Variants in LARGE1 observed in about 807,000 individuals in gnomAD.
The protein encoded by LARGE1 is LARGE xylosyl- and glucuronyltransferase 1.
LARGE1 carries 43 observed loss-of-function variants against 87.6 expected under a neutral mutation model. The observed-to-expected ratio is 0.49, with a 90% CI of 0.38 to 0.63. The LOEUF is 0.63. Among genes scored for constraint, LARGE1 ranks in the 30% least tolerant of loss-of-function variants. LARGE1 has a pLI of 0.00. For missense variants in LARGE1, 802 were observed against 1,000.2 expected (o/e 0.80, Z 2.67); for synonymous variants, 434 against 394.6 (o/e 1.10, Z -1.18).
At chr22:33,917,055 G>A (rs1275526690) in intron 1 of LARGE1, among the ~76,000 whole-genome samples, 1 of 152,178 alleles carries the variant, frequency 6.6e-6, no homozygotes, top group Non-Finnish European at 1.5e-5. Context: ...GGTCACAAAT[G>A]CCGTCTACCA....
At chr22:33,419,519 G>A (rs962892150) in intron 7 of LARGE1, among the ~76,000 whole-genome samples, 3 of 152,030 alleles carry the variant, frequency 2.0e-5, no homozygotes, top group South Asian at 2.1e-4. Flanking sequence ...CATGGCTGCC[G>A]CCTTTCCATC....
chr22:33,382,168 C>G (rs2065181770), intron 8 of LARGE1, 124 bp from the exon 9 acceptor site: 1 of 1,224,386 alleles, frequency 8.2e-7, no homozygotes, highest in Non-Finnish European at 1.1e-6. Flanking sequence ...TGAACACAGG[C>G]TGGCTCGCAC....
Position 33,761,374 on chromosome 22 carries a change from C to T in LARGE1, c.103G>A (p.Glu35Lys), listed in dbSNP as rs1385993432. The T allele has an allele frequency of 6.8e-6, 11 of 1,612,594 alleles. No homozygotes were observed. The highest frequency in any genetic ancestry group is 2.2e-5 in the East Asian group (1 of 44,852). The part of the protein sequence containing the change: ...TWIYLFSGSF[E>K]DGKPVSLSPL... Reference sequence around the variant, plus strand: ...TCACTTTGGCTTCCATTCTTACCTTCGAAGCTCCCAGAAAACAGGTAAATC... The same window carrying T: ...TCACTTTGGCTTCCATTCTTACCTTTGAAGCTCCCAGAAAACAGGTAAATC... The change falls in exon 2 of 15, where the codon GAA (glutamate) becomes AAA (lysine). Residue 35 changes from glutamate (E) to lysine (K), a missense_variant. Around this residue, in one of 2 missense-constraint regions of LARGE1, gnomAD observed 177 missense variants for 158.3 expected, o/e 1.12. Coordinates refer to ENST00000397394, the MANE Select transcript of LARGE1 (RefSeq NM_133642.5).
the LARGE1 span, among the ~76,000 whole-genome samples, chr22:33,141,899 T>A: frequency 7.0e-3 from 1,070 of 152,366 alleles, 8 homozygotes; most frequent in African/African-American, 0.024. Context: ...TTTCTTTACA[T>A]ATTCTACATT....
intron 6 of LARGE1, among the ~76,000 whole-genome samples, chr22:33,497,541 G>C (rs1310670237): frequency 2.0e-5 from 3 of 152,148 alleles, no homozygotes; most frequent in African/African-American, 7.2e-5. Context: ...AAAGAGTCTT[G>C]TGCTTCAGTA....
chr22:33,576,769 A>G (rs1226592407), intron 5 of LARGE1, among the ~76,000 whole-genome samples: 1 of 152,224 alleles, frequency 6.6e-6, no homozygotes, highest in African/African-American at 2.4e-5. Context: ...CATATAACAT[A>G]GGTATATCCT....
chr22:33,781,769 A>T (rs1187670837), intron 1 of LARGE1, among the ~76,000 whole-genome samples: 2 of 152,226 alleles, frequency 1.3e-5, no homozygotes, highest in Non-Finnish European at 2.9e-5. Flanking sequence ...TAGTCCATAA[A>T]TTCCACTGCT....
chr22:33,542,700 C>A (rs141391296), intron 6 of LARGE1, among the ~76,000 whole-genome samples: 1 of 151,252 alleles, frequency 6.6e-6, no homozygotes, highest in Non-Finnish European at 1.5e-5. Context: ...TGGCTTTGCC[C>A]CTGACAGTGT....
At chr22:33,616,496 C>T (rs1261282196) in intron 4 of LARGE1, among the ~76,000 whole-genome samples, 2 of 151,694 alleles carry the variant, frequency 1.3e-5, no homozygotes, top group Non-Finnish European at 2.9e-5. Context: ...CACACCATTG[C>T]ACTCCAGCCT....
the LARGE1 span, among the ~76,000 whole-genome samples, chr22:33,089,459 TCTTCC>T: frequency 1.8e-5 from 2 of 109,366 alleles, no homozygotes; most frequent in Admixed American, 1.9e-4. Context: ...TTCTTCCTCC[TCTTCC>T]TCTTCTTCTT....
chr22:33,324,297 C>G (rs1219652454), intron 10 of LARGE1, among the ~76,000 whole-genome samples: 1 of 49,452 alleles, frequency 2.0e-5, no homozygotes, highest in Non-Finnish European at 4.4e-5. Flanking sequence ...AACAAACAAC[C>G]CCCCCCCCAA....
intron 4 of LARGE1, among the ~76,000 whole-genome samples, chr22:33,623,163 G>A (rs1337940046): frequency 6.7e-6 from 1 of 150,280 alleles, no homozygotes; most frequent in Non-Finnish European, 1.5e-5. Flanking sequence ...TTAAACCAGG[G>A]AGAGACCTGA....
intron 1 of LARGE1, among the ~76,000 whole-genome samples, chr22:33,780,264 C>A (rs2085376804): frequency 3.3e-5 from 5 of 152,240 alleles, no homozygotes; most frequent in Admixed American, 2.6e-4. Context: ...AGGTCACATT[C>A]TGAGGCACTG....
At chr22:33,547,860 A>AG (rs2077407321) in intron 6 of LARGE1, among the ~76,000 whole-genome samples, 1 of 149,988 alleles carries the variant, frequency 6.7e-6, no homozygotes, top group African/African-American at 2.5e-5. Context: ...ATTAATAATA[A>AG]GGGGAACAGG....
At chr22:33,517,588 G>A (rs1198623792) in intron 6 of LARGE1, among the ~76,000 whole-genome samples, 2 of 147,124 alleles carry the variant, frequency 1.4e-5, no homozygotes, top group East Asian at 2.0e-4. Context: ...TTTTAGTAGA[G>A]ATGGGGTTTC....
chr22:33,766,672 G>A (rs2084910854), intron 1 of LARGE1, among the ~76,000 whole-genome samples: 1 of 151,788 alleles, frequency 6.6e-6, no homozygotes, highest in Admixed American at 6.6e-5. Context: ...TGATCCACCT[G>A]CCTCGGCCTC....
At chr22:33,235,608 A>G (rs146292647) in intron 11 of LARGE1, among the ~76,000 whole-genome samples, 205 of 152,296 alleles carry the variant, frequency 1.3e-3, no homozygotes, top group Middle Eastern at 3.4e-3. Context: ...GTTATCTAGG[A>G]GCTTAACTGA....
intron 5 of LARGE1, among the ~76,000 whole-genome samples, chr22:33,599,990 C>A (rs921384630): frequency 1.3e-5 from 2 of 152,158 alleles, no homozygotes; most frequent in African/African-American, 4.8e-5. Context: ...TGGGCTGGTG[C>A]AAATGTTGCT....
At chr22:33,494,078 A>G (rs2069986078) in intron 6 of LARGE1, among the ~76,000 whole-genome samples, 2 of 152,246 alleles carry the variant, frequency 1.3e-5, no homozygotes, top group Admixed American at 6.5e-5. Flanking sequence ...TTAACTTTTA[A>G]GCTCTTCAGC....
Sources: gnomAD v4.1 joint callset for allele counts (sites outside exome capture counted in the v4.1 genomes callset) on GRCh38, gnomAD v4.1.1 for gene constraint, gnomAD v4.1.1 regional missense constraint, MANE v1.5 for transcripts, NCBI Gene and HGNC (gene_info 2026-07-23, HGNC 2026-07-21) for gene names.